Variants in ARHGEF28 observed in about 807,000 individuals in gnomAD.
ARHGEF28 encodes the protein Rho guanine nucleotide exchange factor 28.
ARHGEF28 carries 152 observed loss-of-function variants against 206.6 expected under a neutral mutation model. The observed-to-expected ratio is 0.74, with a 90% confidence interval of 0.64 to 0.84. The LOEUF (loss-of-function observed/expected upper bound fraction) is 0.84. Among genes scored for constraint, ARHGEF28 ranks in the 40% least tolerant of loss-of-function variants. ARHGEF28 has a pLI of 0.00. For synonymous variants in ARHGEF28, 763 were observed against 776.4 expected, an observed-to-expected ratio of 0.98 and a Z score of 0.29; for missense variants, 2,028 against 2,073.2, an observed-to-expected ratio of 0.98 and a Z score of 0.42.
At chr5:73,785,047 A>G (rs1171477525) in intron 7 of ARHGEF28, among the ~76,000 whole-genome samples, 1 of 152,172 alleles carries the variant, frequency 6.6e-6, no homozygotes, top group African/African-American at 2.4e-5. Context: ...AGATTTCATC[A>G]TACTACTCAA....
chr5:73,930,954 C>T (rs1764085783), intron 35 of ARHGEF28, among the ~76,000 whole-genome samples: 1 of 152,170 alleles, frequency 6.6e-6, no homozygotes, highest in Non-Finnish European at 1.5e-5. Flanking sequence ...CCTCTGTGCC[C>T]TCAGTCTCAT....
intron 2 of ARHGEF28, among the ~76,000 whole-genome samples, chr5:73,732,428 A>G (rs1168894010): frequency 6.6e-6 from 1 of 151,960 alleles, no homozygotes; most frequent in Non-Finnish European, 1.5e-5. Context: ...GCTGAATGCT[A>G]ACGCTAATAC....
At chr5:73,932,933 C>T (rs1370389993) in intron 35 of ARHGEF28, among the ~76,000 whole-genome samples, 2 of 149,722 alleles carry the variant, frequency 1.3e-5, no homozygotes, top group Non-Finnish European at 3.0e-5. Context: ...CTCAGCCTCC[C>T]GTGTAGCTGG....
At chr5:73,681,504 G>A (rs1483522731) in intron 1 of ARHGEF28, among the ~76,000 whole-genome samples, 1 of 152,084 alleles carries the variant, frequency 6.6e-6, no homozygotes, top group Non-Finnish European at 1.5e-5. Context: ...GGTTTGTAAA[G>A]TTAGTTTCAT....
chr5:73,698,348 C>A (rs1051441508), intron 2 of ARHGEF28, among the ~76,000 whole-genome samples: 1 of 152,146 alleles, frequency 6.6e-6, no homozygotes, highest in African/African-American at 2.4e-5. Context: ...GGATAAACAT[C>A]AAATTACAAG....
At chr5:73,702,344 G>T (rs1261029991) in intron 2 of ARHGEF28, among the ~76,000 whole-genome samples, 4 of 152,170 alleles carry the variant, frequency 2.6e-5, no homozygotes, top group South Asian at 2.1e-4. Flanking sequence ...TCATATTGTT[G>T]TGCTGCTGTT....
At chr5:73,871,057 T>C (rs1393475974) in intron 21 of ARHGEF28, among the ~76,000 whole-genome samples, 2 of 152,228 alleles carry the variant, frequency 1.3e-5, no homozygotes, top group African/African-American at 4.8e-5. Context: ...AGGTGCAAGT[T>C]ACTTTGGAAA....
intron 10 of ARHGEF28, among the ~76,000 whole-genome samples, chr5:73,833,570 A>G (rs1185655699): frequency 6.6e-6 from 1 of 152,196 alleles, no homozygotes; most frequent in African/African-American, 2.4e-5. Context: ...TCCTAGTTAT[A>G]GAAATCTAGA....
chr5:73,690,525 CA>C (rs71615796), intron 2 of ARHGEF28, among the ~76,000 whole-genome samples: 1,284 of 23,292 alleles, frequency 0.055, 12 homozygotes, highest in African/African-American at 0.11. Context: ...TCTGTCTTTA[CA>C]AAAAAAAAAA....
At chr5:73,701,280 G>T (rs920045540) in intron 2 of ARHGEF28, among the ~76,000 whole-genome samples, 1 of 152,138 alleles carries the variant, frequency 6.6e-6, no homozygotes, top group Non-Finnish European at 1.5e-5. Flanking sequence ...GATGGCAGGG[G>T]ATTAAATGTG....
chr5:73,821,049 G>A (rs1035172948), intron 9 of ARHGEF28, among the ~76,000 whole-genome samples: 50 of 152,208 alleles, frequency 3.3e-4, no homozygotes, highest in East Asian at 3.9e-4. Flanking sequence ...TACCTGGTCA[G>A]TGTCATCCCT....
Position 73,724,752 on chromosome 5 carries a change from T to G in ARHGEF28, c.34-25085T>G, listed in dbSNP as rs1750175191. On this transcript the variant is annotated intron_variant, in intron 2 of 35. Coordinates refer to ENST00000513042, the MANE Select transcript of ARHGEF28 (RefSeq NM_001177693.2). ...GTTTTAAAACTTTGTTCCTTTGTAT[T>G]TCTTAGTAGTATTACATTGTGTGGA... Among the ~76,000 whole-genome samples, 4 of 152,230 alleles carry G rather than the reference T, an allele frequency of 2.6e-5. No individual in the cohort carries two copies. The South Asian group carries it at 8.3e-4, about 31-fold the overall frequency.
intron 9 of ARHGEF28, among the ~76,000 whole-genome samples, chr5:73,829,660 G>A (rs1473552871): frequency 5.3e-5 from 8 of 152,082 alleles, no homozygotes; most frequent in African/African-American, 1.4e-4. Flanking sequence ...GATTACAGGC[G>A]TGAGCCACCG....
intron 20 of ARHGEF28, among the ~76,000 whole-genome samples, chr5:73,869,242 C>T (rs1054262114): frequency 4.2e-5 from 6 of 142,842 alleles, no homozygotes; most frequent in African/African-American, 1.6e-4. Context: ...TGGGGAAGGG[C>T]ATGTATGTAT....
At chr5:73,849,559 T>C (rs943725588) in intron 13 of ARHGEF28, among the ~76,000 whole-genome samples, 8 of 152,224 alleles carry the variant, frequency 5.3e-5, no homozygotes, top group African/African-American at 1.9e-4. Context: ...ATTTGTAACA[T>C]GATTAAATAT....
intron 2 of ARHGEF28, among the ~76,000 whole-genome samples, chr5:73,709,854 A>G (rs1044143989): frequency 3.3e-5 from 5 of 152,160 alleles, no homozygotes; most frequent in Non-Finnish European, 5.9e-5. Flanking sequence ...ATGGCTTCTT[A>G]TACTTAGCAA....
intron 2 of ARHGEF28, among the ~76,000 whole-genome samples, chr5:73,688,863 C>T (rs1747634697): frequency 6.6e-6 from 1 of 152,164 alleles, no homozygotes; most frequent in South Asian, 2.1e-4. Flanking sequence ...ACCATGTTGG[C>T]CAGGATGGCC....
At chr5:73,884,465 A>G (rs1233275784) in intron 24 of ARHGEF28, among the ~76,000 whole-genome samples, 1 of 152,208 alleles carries the variant, frequency 6.6e-6, no homozygotes, top group Admixed American at 6.5e-5. Flanking sequence ...AATGGCTGGT[A>G]CAGAATAGAT....
At chr5:73,911,674 A>T in intron 35 of ARHGEF28, 99 bp downstream of exon 35, 1 of 1,228,996 alleles carries the variant, frequency 8.1e-7, no homozygotes, top group Non-Finnish European at 1.1e-6. Context: ...CCTCCCTAGC[A>T]TGGGAATAAA....
Sources: gnomAD v4.1 joint callset for allele counts (sites outside exome capture counted in the v4.1 genomes callset) on GRCh38, gnomAD v4.1.1 for gene constraint, MANE v1.5 for transcripts, NCBI Gene and HGNC (gene_info 2026-07-23, HGNC 2026-07-21) for gene names.